The following PARP9 variants were observed in gnomAD, a reference collection of about 807,000 sequenced individuals.
PARP9 encodes poly(ADP-ribose) polymerase family member 9, also known as protein mono-ADP-ribosyltransferase PARP9.
In PARP9, 48 loss-of-function variants were observed where a neutral mutation model predicts 68.8. The ratio of observed to expected loss-of-function variants is 0.70; its 90% CI spans 0.55 to 0.89. PARP9 has a LOEUF of 0.89. PARP9 is among the 40% of genes least tolerant of loss of function. The pLI, the probability that PARP9 is intolerant of heterozygous loss-of-function variation, is 0.00. For missense variants in PARP9, 806 were observed against 969.3 expected, an observed-to-expected ratio of 0.83 and a Z score of 2.24; for synonymous variants, 309 against 333.8, an observed-to-expected ratio of 0.93 and a Z score of 0.81.
At chr3:122,528,985 C>T (rs1236300684) in intron 10 of PARP9, among the ~76,000 whole-genome samples, 1 of 152,074 alleles carries the variant, frequency 6.6e-6, no homozygotes, top group African/African-American at 2.4e-5. Context: ...CAGTGGCTCA[C>T]ACCTGTAATC....
intron 7 of PARP9, among the ~76,000 whole-genome samples, chr3:122,543,261 GTTT>G (rs1250988440): frequency 1.3e-5 from 2 of 150,692 alleles, no homozygotes; most frequent in African/African-American, 4.9e-5. Flanking sequence ...TTCCTAAATA[GTTT>G]TTTGTTTGTT....
intron 5 of PARP9, among the ~76,000 whole-genome samples, chr3:122,551,816 G>A (rs1490752344): frequency 6.6e-6 from 1 of 152,216 alleles, no homozygotes; most frequent in Non-Finnish European, 1.5e-5. Flanking sequence ...TGGGTATGTT[G>A]GGGTGAACCA....
rs1251155416 is a variant in PARP9, at chr3:122,540,859, T to C, written c.1385-7A>G. 1.9e-6 allele frequency: 3 copies of C among 1,604,264 alleles called. No individual in the cohort carries two copies. Among genetic ancestry groups the C allele is most frequent in the Non-Finnish European group, 2.6e-6 (3 of 1,176,414 alleles). ...TCTCTGGTTGACTGGGGGACTGAAA[T>C]GACTATAATAAGCAACCATGGAAGA... On this transcript the variant is annotated splice_polypyrimidine_tract_variant and splice_region_variant and intron_variant, in intron 7 of 10. Coordinates refer to ENST00000682323, the MANE Select transcript of PARP9 (RefSeq NM_001146105.2).
chr3:122,558,098 C>T (rs1208327505), intron 3 of PARP9, among the ~76,000 whole-genome samples: 3 of 152,176 alleles, frequency 2.0e-5, no homozygotes, highest in Non-Finnish European at 4.4e-5. Flanking sequence ...ATGGGGGACC[C>T]CTGGAATTAG....
At position 122,528,276 on chromosome 3, in the gene PARP9, T is replaced by C. The variant is rs2077070297; in HGVS notation, c.*88A>G. 1.3e-6 allele frequency: 2 copies of C among 1,501,768 alleles called. No homozygotes were observed. Among genetic ancestry groups the C allele is most frequent in the Non-Finnish European group, 1.8e-6 (2 of 1,107,754 alleles). The allele number at this position is 1,501,768 out of a possible 1,614,324, so 93.0% of individuals were successfully genotyped here. A position where few individuals can be genotyped will look rare whatever the true frequency, so the allele number is the denominator to read the frequency against. On this transcript the variant is annotated 3_prime_UTR_variant, in exon 11 of 11. Coordinates refer to ENST00000682323, the MANE Select transcript of PARP9 (RefSeq NM_001146105.2). Reference sequence around the variant, plus strand: ...CCATACAGATAACCCATGGGATATATTCAAGCCACTCTTTGAGCCATCGAT... The same window carrying C: ...CCATACAGATAACCCATGGGATATACTCAAGCCACTCTTTGAGCCATCGAT...
rs747860839 is a variant in PARP9, at chr3:122,556,027, T to A, written c.144A>T (p.Glu48Asp). ...TACAGCCAAACTTATTCTGGAGGACTTCACACAGCTGACGCTCATTATTTT... is the reference window on the plus strand; with the variant it reads ...TACAGCCAAACTTATTCTGGAGGACATCACACAGCTGACGCTCATTATTTT... The part of the protein sequence containing the change: ...ILKNNERQLC[E>D]VLQNKFGCIS... The change falls in exon 4 of 11, where the codon GAA becomes GAT. Residue 48 changes from glutamate (E) to aspartate (D), a missense_variant. Transcript: ENST00000682323. The A allele has an allele frequency of 7.4e-6, 12 of 1,613,700 alleles. No individual in the cohort carries two copies. Among genetic ancestry groups the A allele is most frequent in the African/African-American group, 5.3e-5 (4 of 74,842 alleles).
chr3:122,555,282 T>A lies in PARP9; in HGVS notation c.885+4A>T. The A allele has an allele frequency of 6.2e-7, 1 of 1,600,768 alleles. No individual in the cohort carries two copies. The highest frequency in any genetic ancestry group is 8.5e-7 in the Non-Finnish European group (1 of 1,173,568). The stretch of plus-strand genomic sequence containing the variant: ...AGTGCAAGAGAATAGAAACAAAGAC[T>A]TACCGTCTGCCATTCAATGTGGCCC... On this transcript the variant is annotated splice_donor_region_variant and intron_variant, in intron 4 of 10. Transcript: ENST00000682323.
intron 10 of PARP9, chr3:122,535,163 A>G (rs2077552236): frequency 8.1e-6 from 8 of 985,444 alleles, no homozygotes; most frequent in African/African-American, 1.7e-5. Flanking sequence ...TTAGGAGCAA[A>G]TGGAAATTAT....
At chr3:122,542,321 T>C (rs2078302451) in intron 7 of PARP9, among the ~76,000 whole-genome samples, 1 of 138,848 alleles carries the variant, frequency 7.2e-6, no homozygotes, top group African/African-American at 2.6e-5. Context: ...CCTCCTGGCC[T>C]CAAGCAATAC....
intron 7 of PARP9, among the ~76,000 whole-genome samples, chr3:122,545,074 A>G (rs2078593329): frequency 1.3e-5 from 2 of 152,182 alleles, no homozygotes; most frequent in Non-Finnish European, 2.9e-5. Flanking sequence ...TGTTTTCCAT[A>G]ATTACAATAA....
At chr3:122,542,520 C>T (rs1468518719) in intron 7 of PARP9, among the ~76,000 whole-genome samples, 2 of 152,116 alleles carry the variant, frequency 1.3e-5, no homozygotes, top group Non-Finnish European at 2.9e-5. Flanking sequence ...CAGGCTGTCG[C>T]CCAGGCTGGA....
intron 6 of PARP9, among the ~76,000 whole-genome samples, chr3:122,550,188 T>C (rs2079086061): frequency 6.6e-6 from 1 of 152,174 alleles, no homozygotes; most frequent in African/African-American, 2.4e-5. Flanking sequence ...CAAGCTATTC[T>C]CTTGCCTCAG....
Position 122,550,693 on chromosome 3 carries a change from G to A in PARP9, c.1217C>T (p.Thr406Ile). The A allele has an allele frequency of 6.2e-7, 1 of 1,614,078 alleles. No individual in the cohort carries two copies. The highest frequency in any genetic ancestry group is 1.1e-5 in the South Asian group (1 of 91,080). ...TTCATCAAACAAAATCTCTGCTGCT[G>A]TTTCCTTCTTTATTTCCATGTTTCC... ...GTGNMEIKKE[T>I]AAEILFDEVL... Residue 406 changes from threonine (T) to isoleucine (I), a missense_variant, in exon 6 of 11, where the codon ACA becomes ATA. By Grantham distance (89) the Thr-to-Ile change is moderately conservative. This residue lies in a region of PARP9 where 680 missense variants were observed against 858.8 expected (regional missense o/e 0.79). Transcript: ENST00000682323.
intron 1 of PARP9, among the ~76,000 whole-genome samples, chr3:122,562,616 A>G (rs1231915347): frequency 6.6e-6 from 1 of 152,250 alleles, no homozygotes; most frequent in Non-Finnish European, 1.5e-5. Flanking sequence ...CTCCGCTGCT[A>G]AATTCCCTGT....
chr3:122,564,347 C>T, upstream of PARP9: 1 of 1,458,606 alleles, frequency 6.9e-7, no homozygotes, highest in South Asian at 1.3e-5. Flanking sequence ...TGAAACTTTG[C>T]GCCCAGTCCG....
chr3:122,535,571 G>A, intron 10 of PARP9: 1 of 985,364 alleles, frequency 1.0e-6, no homozygotes, highest in Non-Finnish European at 1.2e-6. Flanking sequence ...GAGGAGTAGA[G>A]GGGGCAATAT....
At chr3:122,546,604 G>C (rs1470921622) in intron 6 of PARP9, among the ~76,000 whole-genome samples, 2 of 152,132 alleles carry the variant, frequency 1.3e-5, no homozygotes, top group Non-Finnish European at 1.5e-5. Context: ...CATTATGTCT[G>C]CACACATACC....
At position 122,559,717 on chromosome 3, in the gene PARP9, T is replaced by C; in HGVS notation, c.-89-8A>G. 1.6e-6 allele frequency: 2 copies of C among 1,230,924 alleles called. No individual in the cohort carries two copies. The highest frequency in any genetic ancestry group is 2.5e-5 in the East Asian group (1 of 40,036). 76.3% of individuals were successfully genotyped at this position (1,230,924 alleles called of 1,614,324 possible). A position where few individuals can be genotyped will look rare whatever the true frequency, so the allele number is the denominator to read the frequency against. On this transcript the variant is annotated splice_polypyrimidine_tract_variant and splice_region_variant and intron_variant, in intron 1 of 10. Transcript: ENST00000682323. ...AGATATGGTGGCCCACTTCTAGGAA[T>C]GAATTAGAAAAGATGCAATAAACAT...
chr3:122,534,617 T>C (rs966776753), intron 10 of PARP9: 10 of 272,456 alleles, frequency 3.7e-5, no homozygotes, highest in Non-Finnish European at 5.1e-5. Context: ...TGGTGGCTCA[T>C]ACCTGTAAGC....
Sources: gnomAD v4.1 joint callset for allele counts (sites outside exome capture counted in the v4.1 genomes callset) on GRCh38, gnomAD v4.1.1 for gene constraint, gnomAD v4.1.1 regional missense constraint, MANE v1.5 for transcripts, NCBI Gene and HGNC (gene_info 2026-07-23, HGNC 2026-07-21) for gene names.